EIF2AK4: variants seen among roughly 807,000 people sequenced by gnomAD.
EIF2AK4 encodes eukaryotic translation initiation factor 2 alpha kinase 4.
EIF2AK4 carries 139 observed loss-of-function variants against 211.1 expected under a neutral mutation model. That is an observed-to-expected ratio of 0.66 (90% confidence interval 0.57 to 0.76). EIF2AK4 has a LOEUF of 0.76. Ranked by LOEUF, EIF2AK4 falls within the 30% of genes least tolerant of loss-of-function variation. EIF2AK4 has a pLI of 0.00. For missense variants in EIF2AK4, 1,664 were observed against 2,043.8 expected (o/e 0.81, Z 3.58); for synonymous variants, 710 against 751.3 (o/e 0.94, Z 0.90).
At chr15:39,973,515 T>C in intron 10 of EIF2AK4, 77 bp from the exon 11 acceptor site, 2 of 1,422,216 alleles carry the variant, frequency 1.4e-6, no homozygotes, top group Non-Finnish European at 1.9e-6. Flanking sequence ...CTTCCAGGGC[T>C]TCCATCATTG....
At chr15:39,962,775 A>G (rs573368083) in intron 7 of EIF2AK4, among the ~76,000 whole-genome samples, 1 of 152,356 alleles carries the variant, frequency 6.6e-6, no homozygotes, top group East Asian at 1.9e-4. Context: ...TGGTTCAGCA[A>G]ATCAGAATTT....
Position 39,976,401 on chromosome 15 carries a change from G to C in EIF2AK4, c.1819-13G>C. 1.3e-6 allele frequency: 2 copies of C among 1,578,854 alleles called. No homozygotes were observed. The highest frequency in any genetic ancestry group is 2.4e-5 in the South Asian group (2 of 85,082). On this transcript the variant is annotated splice_polypyrimidine_tract_variant and intron_variant, in intron 11 of 38. Transcript: ENST00000263791. ...GGCTCCGAGCGGCTGACCTTCCCCT[G>C]GCTGTGCCGCAGGTGCAGAACAAGT...
At chr15:40,023,330 A>C (rs1002416597) in intron 32 of EIF2AK4, among the ~76,000 whole-genome samples, 4 of 152,172 alleles carry the variant, frequency 2.6e-5, no homozygotes, top group Non-Finnish European at 5.9e-5. Flanking sequence ...ACTTTCTTAA[A>C]AATATTTTTC....
intron 33 of EIF2AK4, among the ~76,000 whole-genome samples, chr15:40,026,306 T>C (rs1039153902): frequency 1.4e-4 from 22 of 152,036 alleles, no homozygotes; most frequent in African/African-American, 5.3e-4. Context: ...AAAATTTTTT[T>C]GATTAGCTGG....
intron 6 of EIF2AK4, among the ~76,000 whole-genome samples, chr15:39,957,720 T>C (rs1174683134): frequency 2.0e-5 from 3 of 152,176 alleles, no homozygotes; most frequent in Admixed American, 2.0e-4. Flanking sequence ...AGGTGCCTGG[T>C]CAACATCTGA....
rs988436870 is a variant in EIF2AK4, at chr15:40,021,134, C to T, written c.4302+107C>T. The T allele has an allele frequency of 6.3e-6, 8 of 1,279,854 alleles. No individual in the cohort carries two copies. In the East Asian group the frequency reaches 1.6e-4, roughly 26 times the overall value. 79.3% of individuals were successfully genotyped at this position (1,279,854 alleles called of 1,614,324 possible). ...TCAAACTCTGTTTATCTCTGTAATT[C>T]GAGTTGCCTCCTGTGTTAGTTTCTG... On this transcript the variant is annotated intron_variant, in intron 31 of 38. Transcript: ENST00000263791.
At chr15:39,960,667 A>AT (rs1006719168) in intron 6 of EIF2AK4, among the ~76,000 whole-genome samples, 1 of 151,908 alleles carries the variant, frequency 6.6e-6, no homozygotes, top group African/African-American at 2.4e-5. Context: ...GATCAGAGAG[A>AT]TTTATAGGCT....
intron 3 of EIF2AK4, among the ~76,000 whole-genome samples, chr15:39,944,646 G>A (rs891834704): frequency 6.6e-6 from 1 of 152,036 alleles, no homozygotes; most frequent in East Asian, 1.9e-4. Context: ...TGTTAGCCAG[G>A]ATGGTCTCAA....
At chr15:39,950,516 G>A (rs1348171795) in intron 4 of EIF2AK4, among the ~76,000 whole-genome samples, 10 of 151,758 alleles carry the variant, frequency 6.6e-5, no homozygotes, top group Non-Finnish European at 1.3e-4. Flanking sequence ...GCTCGAACCC[G>A]GGAGGAGGAG....
At chr15:39,985,174 A>C (rs1212627841) in intron 13 of EIF2AK4, among the ~76,000 whole-genome samples, 2 of 152,294 alleles carry the variant, frequency 1.3e-5, no homozygotes, top group African/African-American at 4.8e-5. Context: ...CTGTATATTG[A>C]ACCAGCCTTG....
Position 40,022,529 on chromosome 15 carries a change from A to C in EIF2AK4, c.4313A>C (p.Glu1438Ala), listed in dbSNP as rs755439554. The C allele has an allele frequency of 1.2e-6, 2 of 1,613,902 alleles. No homozygotes were observed. The highest frequency in any genetic ancestry group is 2.7e-5 in the African/African-American group (2 of 74,908). The change falls in exon 32 of 39, where the codon GAA becomes GCA. Residue 1438 changes from glutamate (E) to alanine (A), a missense_variant. Physicochemically the swap from Glu to Ala is moderately radical, Grantham distance 107. Coordinates refer to ENST00000263791, the MANE Select transcript of EIF2AK4 (RefSeq NM_001013703.4). ...GTTTGTTTGTTTCAGTCCCAAGAGG[A>C]ATTACAAGAGTACTGCAGACATCAT... The part of the protein sequence containing the change: ...IMYDWSQSQE[E>A]LQEYCRHHEI...
intron 33 of EIF2AK4, among the ~76,000 whole-genome samples, chr15:40,028,401 C>T (rs1180830708): frequency 6.6e-6 from 1 of 152,200 alleles, no homozygotes; most frequent in Non-Finnish European, 1.5e-5. Flanking sequence ...CAGCAATTCT[C>T]AACCAACAAT....
chr15:39,980,244 T>C (rs576183302), intron 13 of EIF2AK4, among the ~76,000 whole-genome samples: 16 of 152,184 alleles, frequency 1.1e-4, no homozygotes, highest in Non-Finnish European at 1.6e-4. Context: ...CTCTGAAGTA[T>C]AACAGTGCAC....
Position 40,011,337 on chromosome 15 carries a change from T to C in EIF2AK4, c.3750T>C (p.Ser1250=), listed in dbSNP as rs772319330. ...CTAAATTTTGTAATCTGTCTTTGTC[T>C]TCTAATAGTGTAAGTACCTTCTAAT... is the stretch of plus-strand genomic sequence containing the variant. ...VEAKFCNLSL[S]SNSLCRLYKF... The change falls in exon 27 of 39, where the codon TCT becomes TCC. Residue 1250 remains serine (S), a synonymous_variant. Coordinates refer to ENST00000263791, the MANE Select transcript of EIF2AK4 (RefSeq NM_001013703.4). 1 of 1,612,040 alleles carries C rather than the reference T, an allele frequency of 6.2e-7. No individual in the cohort carries two copies. Among genetic ancestry groups the C allele is most frequent in the African/African-American group, 1.3e-5 (1 of 75,018 alleles).
At chr15:40,011,555 A>G (rs950933885) in intron 27 of EIF2AK4, among the ~76,000 whole-genome samples, 6 of 152,172 alleles carry the variant, frequency 3.9e-5, no homozygotes, top group Admixed American at 1.3e-4. Flanking sequence ...ATGTCTCTCC[A>G]TGCTTCTTCT....
intron 8 of EIF2AK4, among the ~76,000 whole-genome samples, 162 bp downstream of exon 8, chr15:39,966,005 C>T (rs2034539355): frequency 6.6e-6 from 1 of 152,128 alleles, no homozygotes; most frequent in Non-Finnish European, 1.5e-5. Context: ...ACCTCTTTGC[C>T]CCTTGCCTCT....
chr15:39,976,603 C>T lies in EIF2AK4; in HGVS notation c.2008C>T (p.Pro670Ser), dbSNP rs1281896454. The T allele has an allele frequency of 2.5e-6, 4 of 1,608,588 alleles. No homozygotes were observed. The highest frequency in any genetic ancestry group is 3.4e-6 in the Non-Finnish European group (4 of 1,178,160). ...ERPAGPGTPPPDSGPLAKDDR... is the reference protein window; with the variant it reads ...ERPAGPGTPPSDSGPLAKDDR... Reference sequence around the variant, plus strand: ...GCCGGCGGGACCGGGGACGCCGCCCCCGGACTCCGGGCCCCTGGCCAAGGA... The same window carrying T: ...GCCGGCGGGACCGGGGACGCCGCCCTCGGACTCCGGGCCCCTGGCCAAGGA... The change falls in exon 12 of 39, where the codon CCG (proline) becomes TCG (serine). Residue 670 changes from proline (P) to serine (S), a missense_variant. Pro to Ser is a moderately conservative substitution (Grantham distance 74, BLOSUM62 -1). This residue lies in a region of EIF2AK4 where 206 missense variants were observed against 201.9 expected (regional missense o/e 1.02). Transcript: ENST00000263791.
At chr15:40,002,485 C>T (rs1033077525) in intron 21 of EIF2AK4, 3 of 461,750 alleles carry the variant, frequency 6.5e-6, no homozygotes, top group Non-Finnish European at 1.2e-5. Context: ...ACTTTGAACC[C>T]AGGCATCCTT....
chr15:40,018,113 G>A (rs2035334867), intron 29 of EIF2AK4, among the ~76,000 whole-genome samples: 2 of 151,956 alleles, frequency 1.3e-5, no homozygotes, highest in African/African-American at 4.8e-5. Context: ...AATACATTGA[G>A]ATCCACATCA....
Sources: allele counts gnomAD v4.1 joint callset (sites outside exome capture counted in the v4.1 genomes callset), GRCh38; gene constraint gnomAD v4.1.1; regional missense constraint gnomAD v4.1.1; transcripts MANE v1.5; gene names NCBI Gene and HGNC (gene_info 2026-07-23, HGNC 2026-07-21).